Variants in DEAF1 observed in about 807,000 individuals in gnomAD.
DEAF1 encodes deformed epidermal autoregulatory factor 1 homolog.
A neutral mutation model predicts 58.9 loss-of-function variants in DEAF1; 53 were observed. The ratio of observed to expected loss-of-function variants is 0.90; its 90% CI spans 0.72 to 1.13. The LOEUF is 1.13. Ranked by LOEUF, DEAF1 falls within the 50% of genes most tolerant of loss-of-function variation. The pLI, the probability that DEAF1 is intolerant of heterozygous loss-of-function variation, is 0.00. For missense variants in DEAF1, 685 were observed against 791.4 expected (o/e 0.87, Z 1.61); for synonymous variants, 385 against 340.4 (o/e 1.13, Z -1.44).
upstream of DEAF1, chr11:700,031 C>T (rs138361179): frequency 6.1e-5 from 49 of 808,648 alleles, no homozygotes; most frequent in East Asian, 1.1e-3. Flanking sequence ...CTCCATGGTC[C>T]CTTGGTGTCT....
chr11:661,564 G>C (rs1365790765), intron 10 of DEAF1, among the ~76,000 whole-genome samples: 2 of 152,038 alleles, frequency 1.3e-5, no homozygotes, highest in African/African-American at 2.4e-5. Flanking sequence ...ACAAAAATTA[G>C]CCAGGCGTGG....
chr11:673,199 TAATAA>T (rs1316165096), intron 10 of DEAF1, among the ~76,000 whole-genome samples: 14 of 151,944 alleles, frequency 9.2e-5, no homozygotes, highest in African/African-American at 2.7e-4. Context: ...AAAATAATGA[TAATAA>T]AATAAATACA....
intron 1 of DEAF1, chr11:700,375 A>G (rs1256692404): frequency 8.4e-6 from 7 of 831,634 alleles, no homozygotes; most frequent in African/African-American, 1.7e-5. Context: ...AAAAACACAA[A>G]AAGTAGCCGG....
At chr11:694,273 C>T (rs1222782173) in intron 1 of DEAF1, among the ~76,000 whole-genome samples, 2 of 144,298 alleles carry the variant, frequency 1.4e-5, no homozygotes, top group African/African-American at 2.7e-5. Flanking sequence ...TGAGGCTAGG[C>T]AGGTCACCAG....
chr11:693,437 C>G (rs1228950927), intron 1 of DEAF1: 2 of 152,376 alleles, frequency 1.3e-5, no homozygotes, highest in Non-Finnish European at 2.9e-5. Context: ...TGGCCCCCAC[C>G]CAGCCCCCAG....
chr11:693,078 G>C (rs142519895), intron 1 of DEAF1, among the ~76,000 whole-genome samples: 1 of 152,170 alleles, frequency 6.6e-6, no homozygotes, highest in Non-Finnish European at 1.5e-5. Context: ...ACCACTTGAC[G>C]TCAGCTGTTC....
chr11:658,224 C>T (rs552115810), intron 10 of DEAF1, among the ~76,000 whole-genome samples: 1 of 152,124 alleles, frequency 6.6e-6, no homozygotes, highest in South Asian at 2.1e-4. Flanking sequence ...GTCAGGAGAT[C>T]GAGACCATCC....
chr11:686,262 A>C (rs895432899), intron 5 of DEAF1, among the ~76,000 whole-genome samples: 1 of 147,950 alleles, frequency 6.8e-6, no homozygotes, highest in Non-Finnish European at 1.5e-5. Flanking sequence ...ACTGCACTCC[A>C]GCCTGGGCAA....
chr11:686,130 A>T (rs866065839), intron 5 of DEAF1, among the ~76,000 whole-genome samples: 1,041 of 54,638 alleles, frequency 0.019, 13 homozygotes, highest in African/African-American at 0.039. Flanking sequence ...TGAAAATTAA[A>T]AAAAAAAAAA....
chr11:685,910 G>A (rs1007403245), intron 5 of DEAF1, among the ~76,000 whole-genome samples: 2 of 151,398 alleles, frequency 1.3e-5, no homozygotes, highest in Admixed American at 6.6e-5. Flanking sequence ...TTTGAGAGGC[G>A]AGGCAGGTGG....
rs762273635 is a variant in DEAF1, at chr11:704,607, C to A, written c.-438+1965G>T. ...CAAACCATGCAGACCAGGGAAGGAC[C>A]CCCTCCCTGAAGCTGGAGACCTGTT... On this transcript the variant is annotated intron_variant, in intron 1 of 11. Transcript: ENST00000683307. 8.3e-5 allele frequency: 107 copies of A among 1,289,236 alleles called. No individual in the cohort carries two copies. The South Asian group carries it at 1.1e-3, about 14-fold the overall frequency. 79.9% of individuals were successfully genotyped at this position (1,289,236 alleles called of 1,614,324 possible).
chr11:662,945 G>A (rs752197533), intron 10 of DEAF1, among the ~76,000 whole-genome samples: 6 of 152,172 alleles, frequency 3.9e-5, no homozygotes, highest in Non-Finnish European at 5.9e-5. Context: ...CAGAGGGCAC[G>A]ATGCCCATTC....
At chr11:685,905 G>A (rs529529034) in intron 5 of DEAF1, among the ~76,000 whole-genome samples, 2 of 152,084 alleles carry the variant, frequency 1.3e-5, no homozygotes, top group Admixed American at 6.6e-5. Context: ...AGCACTTTGA[G>A]AGGCGAGGCA....
intron 10 of DEAF1, among the ~76,000 whole-genome samples, chr11:672,574 A>G (rs1235926525): frequency 6.6e-6 from 1 of 152,190 alleles, no homozygotes; most frequent in African/African-American, 2.4e-5. Flanking sequence ...AGGCCGGGCA[A>G]GGTGGCTCAT....
chr11:661,140 A>T (rs1003130332), intron 10 of DEAF1, among the ~76,000 whole-genome samples: 7 of 152,218 alleles, frequency 4.6e-5, no homozygotes, highest in Non-Finnish European at 7.3e-5. Context: ...GAGCTACTAG[A>T]AACGGGGACA....
chr11:654,203 C>T (rs531512611), intron 10 of DEAF1, 152 bp from the exon 11 acceptor site: 3 of 629,410 alleles, frequency 4.8e-6, no homozygotes, highest in Non-Finnish European at 8.2e-6. Context: ...GAGTCTCACT[C>T]TGTCGCCCAG....
At position 688,324 on chromosome 11, in the gene DEAF1, G is replaced by A. The variant is rs373778878; in HGVS notation, c.517+7C>T. On this transcript the variant is annotated splice_region_variant and intron_variant, in intron 3 of 11. Coordinates refer to ENST00000382409, the MANE Select transcript of DEAF1 (RefSeq NM_021008.4). The surrounding 1 kb of genome is among the most constrained non-coding windows in gnomAD (Gnocchi z 4.3). ...GCCCGAGGCCTGGGGTGCAGGCACC[G>A]CTGTACCTGGGGTGAGGGGAGCTGC... 157 of 1,613,090 alleles carry A rather than the reference G, an allele frequency of 9.7e-5. No individual in the cohort carries two copies. The highest frequency in any genetic ancestry group is 1.3e-4 in the Non-Finnish European group (152 of 1,179,858).
At chr11:673,526 C>G (rs1036008527) in intron 10 of DEAF1, among the ~76,000 whole-genome samples, 3 of 151,858 alleles carry the variant, frequency 2.0e-5, no homozygotes, top group Non-Finnish European at 4.4e-5. Context: ...ACAGCCTGTT[C>G]CACAAATAAA....
chr11:663,790 A>G (rs1859415923), intron 10 of DEAF1, among the ~76,000 whole-genome samples: 1 of 152,178 alleles, frequency 6.6e-6, no homozygotes, highest in Non-Finnish European at 1.5e-5. Flanking sequence ...CCATCTCCTC[A>G]GCAGTTTTTC....
Sources: allele counts gnomAD v4.1 joint callset (sites outside exome capture counted in the v4.1 genomes callset), GRCh38; gene constraint gnomAD v4.1.1; non-coding constraint Gnocchi (gnomAD v3.1); transcripts MANE v1.5; gene names NCBI Gene and HGNC (gene_info 2026-07-23, HGNC 2026-07-21).